DIPK1C: variants seen among roughly 807,000 people sequenced by gnomAD.
DIPK1C encodes familial non-conventional Alzheimer's dementia.
In DIPK1C, 33 loss-of-function variants were observed where a neutral mutation model predicts 28.0. That is an observed-to-expected ratio of 1.18 (90% CI 0.89 to 1.58). DIPK1C has a LOEUF of 1.58. Among genes scored for constraint, DIPK1C ranks in the 40% most tolerant of loss-of-function variants. The pLI is 0.00. For synonymous variants in DIPK1C, 255 were observed against 248.8 expected (o/e 1.02, Z -0.23); for missense variants, 569 against 568.5 (o/e 1.00, Z -0.01).
intron 2 of DIPK1C, among the ~76,000 whole-genome samples, chr18:74,445,920 G>A (rs1986249606): frequency 6.6e-6 from 1 of 152,200 alleles, no homozygotes; most frequent in Non-Finnish European, 1.5e-5. Flanking sequence ...GCTGGGTGAA[G>A]GGAGAGGGGT....
intron 3 of DIPK1C, among the ~76,000 whole-genome samples, chr18:74,441,105 C>T (rs1986113054): frequency 6.6e-6 from 1 of 152,212 alleles, no homozygotes; most frequent in South Asian, 2.1e-4. Flanking sequence ...TCTCCTGCTC[C>T]CACCTTACCT....
chr18:74,436,793 T>C (rs1986007278), intron 3 of DIPK1C, 74 bp from the exon 4 acceptor site: 1 of 1,384,664 alleles, frequency 7.2e-7, no homozygotes. Context: ...CCAGGATTGG[T>C]TCTGAAACAG....
chr18:74,458,684 G>A (rs1369654844), upstream of DIPK1C, among the ~76,000 whole-genome samples: 1 of 32,458 alleles, frequency 3.1e-5, no homozygotes, highest in Admixed American at 3.5e-4. Context: ...AGCTCTCTCT[G>A]TGTGAAGCTT....
At chr18:74,439,752 C>T (rs1208206506) in intron 3 of DIPK1C, among the ~76,000 whole-genome samples, 2 of 152,022 alleles carry the variant, frequency 1.3e-5, no homozygotes, top group Non-Finnish European at 2.9e-5. Flanking sequence ...CCCAGGAGTT[C>T]GAGGCTGTAG....
At chr18:74,456,890 C>G (rs1450594796) in intron 1 of DIPK1C, among the ~76,000 whole-genome samples, 172 bp downstream of exon 1, 1 of 152,146 alleles carries the variant, frequency 6.6e-6, no homozygotes, top group Non-Finnish European at 1.5e-5. Context: ...GGCTGCGTCC[C>G]CATTCGGGGG....
At chr18:74,448,686 T>C (rs550634630) in intron 1 of DIPK1C, among the ~76,000 whole-genome samples, 60 of 152,282 alleles carry the variant, frequency 3.9e-4, no homozygotes, top group African/African-American at 1.4e-3. Flanking sequence ...GGGAACAGCC[T>C]TGGGTTCATA....
upstream of DIPK1C, among the ~76,000 whole-genome samples, chr18:74,461,891 G>T (rs1283439464): frequency 1.3e-5 from 2 of 151,810 alleles, no homozygotes; most frequent in African/African-American, 2.4e-5. Flanking sequence ...GAGTAGCTGG[G>T]ACCACAGTTG....
In DIPK1C at chr18:74,446,763, C is replaced by G; in HGVS notation, c.719G>C (p.Arg240Pro). ...GCCACCCCCAGGGGCACCTGGGGCC[C>G]GGTCCAGGGGGAAGAGTGCCCTGTG... ...PHHRALFPLD[R>P]APGAPGGGQA... The change falls in exon 2 of 4, where the codon CGG becomes CCG. Residue 240 changes from arginine to proline, a missense_variant. Coordinates refer to ENST00000343998, the MANE Select transcript of DIPK1C (RefSeq NM_001044369.3). 1.3e-6 allele frequency: 2 copies of G among 1,522,388 alleles called. No homozygotes were observed. The highest frequency in any genetic ancestry group is 1.2e-5 in the South Asian group (1 of 80,204). 94.3% of individuals were successfully genotyped at this position (1,522,388 alleles called of 1,614,324 possible). A position where few individuals can be genotyped will look rare whatever the true frequency, so the allele number is the denominator to read the frequency against.
chr18:74,464,051 C>CT, the DIPK1C span, among the ~76,000 whole-genome samples: 2 of 152,126 alleles, frequency 1.3e-5, no homozygotes, highest in Non-Finnish European at 2.9e-5. Context: ...ATATAAGAAG[C>CT]CATAGAGTCA....
At chr18:74,440,623 C>T (rs185847768) in intron 3 of DIPK1C, among the ~76,000 whole-genome samples, 3 of 152,166 alleles carry the variant, frequency 2.0e-5, no homozygotes, top group African/African-American at 4.8e-5. Flanking sequence ...GTTGTGTATT[C>T]GGTGTCTGTT....
chr18:74,458,541 C>T (rs1040066412), upstream of DIPK1C, among the ~76,000 whole-genome samples: 1 of 150,392 alleles, frequency 6.6e-6, no homozygotes, highest in African/African-American at 2.4e-5. Flanking sequence ...GATGAACAAA[C>T]CCTGAGCCCC....
intron 1 of DIPK1C, among the ~76,000 whole-genome samples, chr18:74,453,854 A>G (rs1484663653): frequency 6.6e-6 from 1 of 151,930 alleles, no homozygotes; most frequent in Non-Finnish European, 1.5e-5. Flanking sequence ...CCATCTGTAA[A>G]ATGGGGATAC....
intron 3 of DIPK1C, among the ~76,000 whole-genome samples, chr18:74,438,820 G>T (rs1986054855): frequency 6.6e-6 from 1 of 152,218 alleles, no homozygotes; most frequent in Non-Finnish European, 1.5e-5. Context: ...AAGTAAATGT[G>T]TGGGGCTGGG....
rs1313631980 is a variant in DIPK1C at position 74,446,808 on chromosome 18, A to C, written c.674T>G (p.Leu225Arg). 1 of 1,489,272 alleles carries C rather than the reference A, an allele frequency of 6.7e-7. No homozygotes were observed. Among genetic ancestry groups the C allele is most frequent in the Admixed American group, 2.4e-5 (1 of 41,410 alleles). The allele number at this position is 1,489,272 out of a possible 1,614,324, so 92.3% of individuals were successfully genotyped here. ...CCTGTGGTGGGGGCTGCCCGCGGCC[A>C]GGAACTCCACCGCGTAGAAGTGGCC... ...SCGHFYAVEFLAAGSPHHRAL... is the reference protein window; with the variant it reads ...SCGHFYAVEFRAAGSPHHRAL... Residue 225 changes from leucine to arginine, a missense_variant, in exon 2 of 4, where the codon CTG becomes CGG. Transcript: ENST00000343998.
At chr18:74,459,799 C>T (rs1343257081), upstream of DIPK1C, among the ~76,000 whole-genome samples, 1 of 152,112 alleles carries the variant, frequency 6.6e-6, no homozygotes, top group Non-Finnish European at 1.5e-5. Context: ...GAGAAATTTG[C>T]CGTTTCTCCT....
At chr18:74,446,094 A>G (rs1204441202) in intron 2 of DIPK1C, among the ~76,000 whole-genome samples, 2 of 152,154 alleles carry the variant, frequency 1.3e-5, no homozygotes, top group Non-Finnish European at 2.9e-5. Flanking sequence ...GTTCCTCTAG[A>G]AGTCTTACAT....
chr18:74,438,940 C>T (rs566293446), intron 3 of DIPK1C, among the ~76,000 whole-genome samples: 10 of 152,318 alleles, frequency 6.6e-5, no homozygotes, highest in African/African-American at 1.7e-4. Flanking sequence ...CTCCCCTTGG[C>T]GAAGCCAGTC....
At chr18:74,457,367 G>A (rs1290848668), upstream of DIPK1C, 4 of 833,090 alleles carry the variant, frequency 4.8e-6, no homozygotes, top group Admixed American at 6.2e-5. Flanking sequence ...GGGAACGGGG[G>A]AGGGGCCGCG....
Position 74,447,077 on chromosome 18 carries a change from T to A in DIPK1C, c.405A>T (p.Ala135=). The A allele has an allele frequency of 6.4e-7, 1 of 1,550,408 alleles. No homozygotes were observed. Among genetic ancestry groups the A allele is most frequent in the South Asian group, 1.2e-5 (1 of 84,040 alleles). The part of the protein sequence containing the change: ...FPPLSLLEEE[A]GEGGQDMPEA... ...CGGGCATGTCCTGGCCACCCTCCCC[T>A]GCCTCCTCTTCCAACAGGCTGAGGG... The change falls in exon 2 of 4, where the codon GCA becomes GCT. Residue 135 remains alanine (A), a synonymous_variant. Coordinates refer to ENST00000343998, the MANE Select transcript of DIPK1C (RefSeq NM_001044369.3). The surrounding 1 kb of genome is among the most constrained non-coding windows in gnomAD (Gnocchi z 4.1).
Sources: allele counts gnomAD v4.1 joint callset (sites outside exome capture counted in the v4.1 genomes callset), GRCh38; gene constraint gnomAD v4.1.1; non-coding constraint Gnocchi (gnomAD v3.1); transcripts MANE v1.5; gene names NCBI Gene and HGNC (gene_info 2026-07-23, HGNC 2026-07-21).